BRD3OS: variants seen among roughly 807,000 people sequenced by gnomAD.
The protein encoded by BRD3OS is BRD3 opposite strand, also known as uncharacterized protein BRD3OS.
At position 134,030,304 on chromosome 9, in the gene BRD3OS, C is replaced by CTTTTTTT. The variant is rs60558736; in HGVS notation, c.*3317_*3323dup. On this transcript the variant is annotated 3_prime_UTR_variant, in exon 3 of 3. Transcript: ENST00000603928. Reference sequence around the variant, plus strand: ...GGAAAATGCAAAAAAAAAAAACAGTCTTTTTTTTTTTTTTTTTTTTTGCTT... The same window carrying CTTTTTTT: ...GGAAAATGCAAAAAAAAAAAACAGTCTTTTTTTTTTTTTTTTTTTTTTTTTTTTGCTT... 2.6e-5 allele frequency: 2 copies of CTTTTTTT among 78,090 alleles called. No individual in the cohort carries two copies. The highest frequency in any genetic ancestry group is 4.5e-5 in the Non-Finnish European group (2 of 44,712). The allele number at this position is 78,090 out of a possible 1,614,324, so 4.8% of individuals were successfully genotyped here.
rs1224469629 is a variant in BRD3OS at position 134,028,088 on chromosome 9, CCTT to C, written c.*1087_*1089del. 6 of 152,260 alleles carry C rather than the reference CCTT, an allele frequency of 3.9e-5. No homozygotes were observed. Among genetic ancestry groups the C allele is most frequent in the African/African-American group, 1.4e-4 (6 of 41,462 alleles). The allele number at this position is 152,260 out of a possible 1,614,324, so 9.4% of individuals were successfully genotyped here. A position where few individuals can be genotyped will look rare whatever the true frequency, so the allele number is the denominator to read the frequency against. On this transcript the variant is annotated 3_prime_UTR_variant, in exon 3 of 3. Coordinates refer to ENST00000603928, the MANE Select transcript of BRD3OS (RefSeq NM_001355256.2). ...TAATTTTTCTTTTCTAAATAAACAT[CCTT>C]TAATACACTCCTCCCCTTCCTCACA...
Position 134,031,586 on chromosome 9 carries a change from G to T in BRD3OS, c.*4584G>T. 1 of 210,024 alleles carries T rather than the reference G, an allele frequency of 4.8e-6. No individual in the cohort carries two copies. Among genetic ancestry groups the T allele is most frequent in the Non-Finnish European group, 9.7e-6 (1 of 103,514 alleles). 13.0% of individuals were successfully genotyped at this position (210,024 alleles called of 1,614,324 possible). A position where few individuals can be genotyped will look rare whatever the true frequency, so the allele number is the denominator to read the frequency against. Reference sequence around the variant, plus strand: ...ACTTAATTAAAAGTTTAACAAACTGGCTGAAAACTCACCAAGTGTCAGACT... The same window carrying T: ...ACTTAATTAAAAGTTTAACAAACTGTCTGAAAACTCACCAAGTGTCAGACT... On this transcript the variant is annotated 3_prime_UTR_variant, in exon 3 of 3. Coordinates refer to ENST00000603928, the MANE Select transcript of BRD3OS (RefSeq NM_001355256.2).
In BRD3OS at chr9:134,031,581, A is replaced by G. The variant is rs926459360; in HGVS notation, c.*4579A>G. ...ACAAAACTTAATTAAAAGTTTAACA[A>G]ACTGGCTGAAAACTCACCAAGTGTC... On this transcript the variant is annotated 3_prime_UTR_variant, in exon 3 of 3. Coordinates refer to ENST00000603928, the MANE Select transcript of BRD3OS (RefSeq NM_001355256.2). 27 of 209,438 alleles carry G rather than the reference A, an allele frequency of 1.3e-4. No homozygotes were observed. The highest frequency in any genetic ancestry group is 1.8e-4 in the Non-Finnish European group (19 of 103,182). 13.0% of individuals were successfully genotyped at this position (209,438 alleles called of 1,614,324 possible).
rs1242008990 is a variant in BRD3OS at position 134,028,396 on chromosome 9, TTTC to T, written c.*1397_*1399del. 1 of 151,122 alleles carries T rather than the reference TTTC, an allele frequency of 6.6e-6. No homozygotes were observed. Among genetic ancestry groups the T allele is most frequent in the Non-Finnish European group, 1.5e-5 (1 of 67,234 alleles). 9.4% of individuals were successfully genotyped at this position (151,122 alleles called of 1,614,324 possible). ...ACAGACTGGGCATTCACTTAATGCT[TTTC>T]TTTTTTTTTAAGAGAGTCTCACTCT... On this transcript the variant is annotated 3_prime_UTR_variant, in exon 3 of 3. Transcript: ENST00000603928.
rs35449062 is a variant in BRD3OS at position 134,030,900 on chromosome 9, G to GA, written c.*3904dup. 1 of 231,624 alleles carries GA rather than the reference G, an allele frequency of 4.3e-6. No homozygotes were observed. Among genetic ancestry groups the GA allele is most frequent in the Admixed American group, 5.6e-5 (1 of 17,708 alleles). 14.3% of individuals were successfully genotyped at this position (231,624 alleles called of 1,614,324 possible). A position where few individuals can be genotyped will look rare whatever the true frequency, so the allele number is the denominator to read the frequency against. ...GACTTGTCACTACTCCTCTCCCCTT[G>GA]AAAAAAGCATGTTAGAAGCTGCCCT... On this transcript the variant is annotated 3_prime_UTR_variant, in exon 3 of 3. Transcript: ENST00000603928.
At position 134,028,858 on chromosome 9, in the gene BRD3OS, T is replaced by C. The variant is rs1843469122; in HGVS notation, c.*1856T>C. 6.6e-6 allele frequency: 1 copy of C among 152,286 alleles called. No individual in the cohort carries two copies. Among genetic ancestry groups the C allele is most frequent in the African/African-American group, 2.4e-5 (1 of 41,452 alleles). 9.4% of individuals were successfully genotyped at this position (152,286 alleles called of 1,614,324 possible). Reference sequence around the variant, plus strand: ...AGTTCATTCGCAAACGTCCTAGAAGTGGAACTGCTGGGTCAAAGTGCATTC... The same window carrying C: ...AGTTCATTCGCAAACGTCCTAGAAGCGGAACTGCTGGGTCAAAGTGCATTC... On this transcript the variant is annotated 3_prime_UTR_variant, in exon 3 of 3. Coordinates refer to ENST00000603928, the MANE Select transcript of BRD3OS (RefSeq NM_001355256.2).
chr9:134,027,840 T>C lies in BRD3OS; in HGVS notation c.*838T>C, dbSNP rs993757495. 2.0e-5 allele frequency: 3 copies of C among 152,246 alleles called. No individual in the cohort carries two copies. The highest frequency in any genetic ancestry group is 7.2e-5 in the African/African-American group (3 of 41,466). 9.4% of individuals were successfully genotyped at this position (152,246 alleles called of 1,614,324 possible). A position where few individuals can be genotyped will look rare whatever the true frequency, so the allele number is the denominator to read the frequency against. ...AAACCCGAGAGTTGTAAGTTGCACA[T>C]GTGTGGCCTACAGTGACTTCCATGT... On this transcript the variant is annotated 3_prime_UTR_variant, in exon 3 of 3. Transcript: ENST00000603928.
At position 134,030,743 on chromosome 9, in the gene BRD3OS, T is replaced by C. The variant is rs891815262; in HGVS notation, c.*3741T>C. 4.3e-6 allele frequency: 1 copy of C among 231,254 alleles called. No homozygotes were observed. Among genetic ancestry groups the C allele is most frequent in the Admixed American group, 5.6e-5 (1 of 17,708 alleles). 14.3% of individuals were successfully genotyped at this position (231,254 alleles called of 1,614,324 possible). The stretch of plus-strand genomic sequence containing the variant: ...ACAAAAACAAACACACAAAAAAATG[T>C]GTCTTACAGTTTGTAAGCAAGATGA... On this transcript the variant is annotated 3_prime_UTR_variant, in exon 3 of 3. Coordinates refer to ENST00000603928, the MANE Select transcript of BRD3OS (RefSeq NM_001355256.2).
In BRD3OS at chr9:134,029,961, T is replaced by C. The variant is rs561530132; in HGVS notation, c.*2959T>C. 3.4e-4 allele frequency: 52 copies of C among 152,294 alleles called. No individual in the cohort carries two copies. Among genetic ancestry groups the C allele is most frequent in the African/African-American group, 1.3e-3 (52 of 41,562 alleles). The allele number at this position is 152,294 out of a possible 1,614,324, so 9.4% of individuals were successfully genotyped here. A position where few individuals can be genotyped will look rare whatever the true frequency, so the allele number is the denominator to read the frequency against. ...TAATGGTTTGATTATTATTATTTTT[T>C]AAGAGATGTTGTCCAGGCTGGAGTG... On this transcript the variant is annotated 3_prime_UTR_variant, in exon 3 of 3. Coordinates refer to ENST00000603928, the MANE Select transcript of BRD3OS (RefSeq NM_001355256.2).
Position 134,027,321 on chromosome 9 carries a change from A to C in BRD3OS, c.*319A>C. The C allele has an allele frequency of 4.3e-6, 1 of 231,292 alleles. No individual in the cohort carries two copies. The highest frequency in any genetic ancestry group is 1.8e-4 in the South Asian group (1 of 5,556). The allele number at this position is 231,292 out of a possible 1,614,324, so 14.3% of individuals were successfully genotyped here. On this transcript the variant is annotated 3_prime_UTR_variant, in exon 3 of 3. Coordinates refer to ENST00000603928, the MANE Select transcript of BRD3OS (RefSeq NM_001355256.2). ...CTAGATGCTTGGTTTAAACCAGGCC[A>C]AGAGTAACCCTCCCATCCCCATTAC...
Position 134,028,575 on chromosome 9 carries a change from GAC to G in BRD3OS, c.*1575_*1576del, listed in dbSNP as rs1843464640. 1 of 152,246 alleles carries G rather than the reference GAC, an allele frequency of 6.6e-6. No homozygotes were observed. Among genetic ancestry groups the G allele is most frequent in the African/African-American group, 2.4e-5 (1 of 41,442 alleles). The allele number at this position is 152,246 out of a possible 1,614,324, so 9.4% of individuals were successfully genotyped here. On this transcript the variant is annotated 3_prime_UTR_variant, in exon 3 of 3. Coordinates refer to ENST00000603928, the MANE Select transcript of BRD3OS (RefSeq NM_001355256.2). ...GGCTAATTTTTCTATTTTTAATAGA[GAC>G]AAGGTTTCACCATGTTGGCCAGGCT... is the stretch of plus-strand genomic sequence containing the variant.
rs572683932 is a variant in BRD3OS, at chr9:134,027,479, C to G, written c.*477C>G. The G allele has an allele frequency of 6.6e-6, 1 of 152,254 alleles. No homozygotes were observed. Among genetic ancestry groups the G allele is most frequent in the South Asian group, 2.1e-4 (1 of 4,834 alleles). The allele number at this position is 152,254 out of a possible 1,614,324, so 9.4% of individuals were successfully genotyped here. ...TGCTTTTTTGAGACGGGGTCTCACT[C>G]TGTTACCCAGGCTGGAATACAGTGG... is the stretch of plus-strand genomic sequence containing the variant. On this transcript the variant is annotated 3_prime_UTR_variant, in exon 3 of 3. Coordinates refer to ENST00000603928, the MANE Select transcript of BRD3OS (RefSeq NM_001355256.2).
In BRD3OS at chr9:134,030,540, A is replaced by G; in HGVS notation, c.*3538A>G. 1 of 212,918 alleles carries G rather than the reference A, an allele frequency of 4.7e-6. No homozygotes were observed. The highest frequency in any genetic ancestry group is 9.5e-6 in the Non-Finnish European group (1 of 105,362). 13.2% of individuals were successfully genotyped at this position (212,918 alleles called of 1,614,324 possible). ...TAAAAAGTTTAAGAAAAGTTACGGTAAACTTGCATGCACATCATACAGAAA... is the reference window on the plus strand; with the variant it reads ...TAAAAAGTTTAAGAAAAGTTACGGTGAACTTGCATGCACATCATACAGAAA... On this transcript the variant is annotated 3_prime_UTR_variant, in exon 3 of 3. Coordinates refer to ENST00000603928, the MANE Select transcript of BRD3OS (RefSeq NM_001355256.2).
chr9:134,028,949 GA>G lies in BRD3OS; in HGVS notation c.*1948del, dbSNP rs1843470567. 1 of 152,280 alleles carries G rather than the reference GA, an allele frequency of 6.6e-6. No individual in the cohort carries two copies. The highest frequency in any genetic ancestry group is 6.5e-5 in the Admixed American group (1 of 15,288). 9.4% of individuals were successfully genotyped at this position (152,280 alleles called of 1,614,324 possible). A position where few individuals can be genotyped will look rare whatever the true frequency, so the allele number is the denominator to read the frequency against. On this transcript the variant is annotated 3_prime_UTR_variant, in exon 3 of 3. Coordinates refer to ENST00000603928, the MANE Select transcript of BRD3OS (RefSeq NM_001355256.2). ...TGCACAGCCCGAGTCCCTTCTGCGA[GA>G]GTCCTGGCTTGTTTGCAGCCTGCAG...
Position 134,028,046 on chromosome 9 carries a change from G to T in BRD3OS, c.*1044G>T, listed in dbSNP as rs1319637460. 3 of 152,214 alleles carry T rather than the reference G, an allele frequency of 2.0e-5. No individual in the cohort carries two copies. Among genetic ancestry groups the T allele is most frequent in the African/African-American group, 7.2e-5 (3 of 41,448 alleles). The allele number at this position is 152,214 out of a possible 1,614,324, so 9.4% of individuals were successfully genotyped here. A position where few individuals can be genotyped will look rare whatever the true frequency, so the allele number is the denominator to read the frequency against. Reference sequence around the variant, plus strand: ...TCTCCTTGGCTACACAAATGTGCAGGTGTCTCTTGTCAAAGCTAATTTTTC... The same window carrying T: ...TCTCCTTGGCTACACAAATGTGCAGTTGTCTCTTGTCAAAGCTAATTTTTC... On this transcript the variant is annotated 3_prime_UTR_variant, in exon 3 of 3. Transcript: ENST00000603928.
In BRD3OS at chr9:134,027,262, G is replaced by C; in HGVS notation, c.*260G>C. ...GCTGTTGTGACATTTGAATTCTCCA[G>C]GTGCTGCTAGGGACAGCATAGGCCC... On this transcript the variant is annotated 3_prime_UTR_variant, in exon 3 of 3. Coordinates refer to ENST00000603928, the MANE Select transcript of BRD3OS (RefSeq NM_001355256.2). The C allele has an allele frequency of 3.3e-6, 1 of 300,664 alleles. No individual in the cohort carries two copies. The highest frequency in any genetic ancestry group is 6.1e-6 in the Non-Finnish European group (1 of 164,750). 18.6% of individuals were successfully genotyped at this position (300,664 alleles called of 1,614,324 possible).
At position 134,031,556 on chromosome 9, in the gene BRD3OS, A is replaced by T. The variant is rs1461238968; in HGVS notation, c.*4554A>T. The T allele has an allele frequency of 4.9e-6, 1 of 204,072 alleles. No individual in the cohort carries two copies. The highest frequency in any genetic ancestry group is 6.0e-5 in the Admixed American group (1 of 16,776). 12.6% of individuals were successfully genotyped at this position (204,072 alleles called of 1,614,324 possible). Reference sequence around the variant, plus strand: ...AAATCCATTTATATTTTTATTATAAACAAAACTTAATTAAAAGTTTAACAA... The same window carrying T: ...AAATCCATTTATATTTTTATTATAATCAAAACTTAATTAAAAGTTTAACAA... On this transcript the variant is annotated 3_prime_UTR_variant, in exon 3 of 3. Transcript: ENST00000603928.
rs539622503 is a variant in BRD3OS, at chr9:134,029,165, GAAGA to G, written c.*2167_*2170del. ...GTTCTTCAGTTTAAGTCCTGCCTGG[GAAGA>G]AAGCAAACTCCAGAGGCAAATCTGG... On this transcript the variant is annotated 3_prime_UTR_variant, in exon 3 of 3. Coordinates refer to ENST00000603928, the MANE Select transcript of BRD3OS (RefSeq NM_001355256.2). The G allele has an allele frequency of 3.9e-5, 6 of 152,434 alleles. No individual in the cohort carries two copies. The South Asian group carries it at 1.0e-3, about 26-fold the overall frequency. The allele number at this position is 152,434 out of a possible 1,614,324, so 9.4% of individuals were successfully genotyped here.
chr9:134,028,135 C>T lies in BRD3OS; in HGVS notation c.*1133C>T, dbSNP rs977878069. 2 of 152,230 alleles carry T rather than the reference C, an allele frequency of 1.3e-5. No individual in the cohort carries two copies. The highest frequency in any genetic ancestry group is 2.9e-5 in the Non-Finnish European group (2 of 68,040). 9.4% of individuals were successfully genotyped at this position (152,230 alleles called of 1,614,324 possible). On this transcript the variant is annotated 3_prime_UTR_variant, in exon 3 of 3. Coordinates refer to ENST00000603928, the MANE Select transcript of BRD3OS (RefSeq NM_001355256.2). ...CCTCACACTTATTTTTATCCTTGTT[C>T]GTAATATCCTACTTGGCTTCCCATT...
Sources: allele counts gnomAD v4.1 joint callset, GRCh38; gene constraint gnomAD v4.1.1; transcripts MANE v1.5; gene names NCBI Gene and HGNC (gene_info 2026-07-23, HGNC 2026-07-21).